RERE: variants seen among roughly 807,000 people sequenced by gnomAD.
RERE encodes the protein arginine-glutamic acid dipeptide repeats.
A neutral mutation model predicts 146.1 loss-of-function variants in RERE; 40 were observed. The ratio of observed to expected loss-of-function variants is 0.27; its 90% CI spans 0.21 to 0.36. The LOEUF (loss-of-function observed/expected upper bound fraction) is 0.36. Ranked by LOEUF, RERE falls within the 10% of genes least tolerant of loss-of-function variation. The pLI, the probability that RERE is intolerant of heterozygous loss-of-function variation, is 1.00. For synonymous variants in RERE, 1,003 were observed against 866.0 expected (o/e 1.16, Z -2.78); for missense variants, 1,933 against 2,138.7 (o/e 0.90, Z 1.90).
At chr1:8,772,581 C>T (rs931420789) in intron 1 of RERE, among the ~76,000 whole-genome samples, 5 of 151,994 alleles carry the variant, frequency 3.3e-5, no homozygotes, top group Non-Finnish European at 7.4e-5. Context: ...TCAAGACTAG[C>T]CTAGCCAACA....
At chr1:8,414,039 G>C (rs1393612696) in intron 12 of RERE, among the ~76,000 whole-genome samples, 1 of 121,998 alleles carries the variant, frequency 8.2e-6, no homozygotes, top group Non-Finnish European at 1.7e-5. Flanking sequence ...TGGGCAACAA[G>C]AGTGAAACTC....
chr1:8,753,136 C>CCT (rs1640572215), intron 1 of RERE, among the ~76,000 whole-genome samples: 2 of 152,148 alleles, frequency 1.3e-5, no homozygotes, highest in Admixed American at 6.6e-5. Flanking sequence ...GTATAATCTT[C>CCT]CTCTCCTGGG....
chr1:8,555,970 T>C (rs1218918835), intron 6 of RERE, among the ~76,000 whole-genome samples: 1 of 152,188 alleles, frequency 6.6e-6, no homozygotes, highest in East Asian at 1.9e-4. Context: ...AAAATCTCTA[T>C]AAATTTTGCC....
At chr1:8,496,975 A>G (rs1214705910) in intron 9 of RERE, among the ~76,000 whole-genome samples, 1 of 152,204 alleles carries the variant, frequency 6.6e-6, no homozygotes, top group East Asian at 1.9e-4. Flanking sequence ...TGCTGCACCT[A>G]TCAACCCGTC....
chr1:8,711,797 T>C (rs919283690), intron 1 of RERE, among the ~76,000 whole-genome samples: 5 of 152,186 alleles, frequency 3.3e-5, no homozygotes, highest in African/African-American at 9.7e-5. Flanking sequence ...ATCCTAAGAA[T>C]TCAAAATATT....
At chr1:8,499,805 G>C (rs1645104475) in intron 8 of RERE, among the ~76,000 whole-genome samples, 1 of 152,196 alleles carries the variant, frequency 6.6e-6, no homozygotes, top group Non-Finnish European at 1.5e-5. Flanking sequence ...TTAACACATA[G>C]TGAAAATAGT....
chr1:8,458,265 T>C (rs1173945576), intron 11 of RERE, among the ~76,000 whole-genome samples: 1 of 152,090 alleles, frequency 6.6e-6, no homozygotes, highest in Non-Finnish European at 1.5e-5. Context: ...CAGAGAAAGA[T>C]GATAGAGAGT....
intron 1 of RERE, among the ~76,000 whole-genome samples, chr1:8,683,031 C>CCAA (rs1553133105): frequency 1.5e-5 from 1 of 65,728 alleles, no homozygotes. Context: ...CTGTCTTTAC[C>CCAA]AAAAAAAAAA....
Position 8,436,557 on chromosome 1 carries a change from A to G in RERE, c.1204-13750T>C, listed in dbSNP as rs556058398. ...AAATGTGGATTGTCTAGAAGTTACA[A>G]GGGAACAAAAAAGTAGAAATCCTCC... On this transcript the variant is annotated intron_variant, in intron 11 of 22. Transcript: ENST00000400908. 2.0e-5 allele frequency among the ~76,000 whole-genome samples: 3 copies of G among 152,324 alleles called. No individual in the cohort carries two copies. In the South Asian group the frequency reaches 6.2e-4, roughly 32 times the overall value.
chr1:8,363,509 T>G (rs536034049), intron 15 of RERE, among the ~76,000 whole-genome samples: 1 of 152,162 alleles, frequency 6.6e-6, no homozygotes, highest in South Asian at 2.1e-4. Context: ...GAAGGGGCCA[T>G]AAGGGAGGCT....
chr1:8,513,182 G>A (rs1219857287), intron 7 of RERE, among the ~76,000 whole-genome samples: 1 of 152,076 alleles, frequency 6.6e-6, no homozygotes, highest in Non-Finnish European at 1.5e-5. Flanking sequence ...AAAAATTACT[G>A]AACATCCCAA....
chr1:8,560,541 T>G (rs1420439149), intron 4 of RERE, among the ~76,000 whole-genome samples: 1 of 152,214 alleles, frequency 6.6e-6, no homozygotes, highest in East Asian at 1.9e-4. Context: ...ATTCCATGAC[T>G]TCCCATGTAT....
intron 11 of RERE, among the ~76,000 whole-genome samples, chr1:8,443,332 C>T (rs1165818432): frequency 6.6e-6 from 1 of 151,586 alleles, no homozygotes; most frequent in African/African-American, 2.4e-5. Flanking sequence ...CATGATGGCA[C>T]ACACCTGTAA....
chr1:8,815,524 AAAAG>A (rs376365776), intron 1 of RERE, among the ~76,000 whole-genome samples: 21 of 152,304 alleles, frequency 1.4e-4, no homozygotes, highest in Non-Finnish European at 2.8e-4. Flanking sequence ...ACATATACAA[AAAAG>A]AAAGAGCAGC....
intron 11 of RERE, among the ~76,000 whole-genome samples, chr1:8,453,856 T>C (rs2124081657): frequency 6.6e-6 from 1 of 152,300 alleles, no homozygotes; most frequent in South Asian, 2.1e-4. Flanking sequence ...TCTTTTAAAA[T>C]TGGATAACCA....
chr1:8,664,055 A>C (rs577042887), intron 1 of RERE, among the ~76,000 whole-genome samples: 9 of 152,254 alleles, frequency 5.9e-5, no homozygotes, highest in Admixed American at 5.9e-4. Context: ...TTGTTAACTT[A>C]CATCACTTCC....
chr1:8,814,457 G>C (rs893085093), intron 1 of RERE, among the ~76,000 whole-genome samples: 1 of 152,038 alleles, frequency 6.6e-6, no homozygotes, highest in Non-Finnish European at 1.5e-5. Context: ...ATTTTCTCTG[G>C]CTTCCAATTT....
chr1:8,769,858 AG>A (rs1174078234), intron 1 of RERE, among the ~76,000 whole-genome samples: 1 of 151,384 alleles, frequency 6.6e-6, no homozygotes. Flanking sequence ...GCACAATCTC[AG>A]CTCACCACAA....
intron 4 of RERE, among the ~76,000 whole-genome samples, chr1:8,601,776 CAAACACACACACAG>C: frequency 6.9e-6 from 1 of 145,810 alleles, no homozygotes; most frequent in South Asian, 2.3e-4. Flanking sequence ...CACACACACA[CAAACACACACACAG>C]ACACACATCT....
Sources: gnomAD v4.1 joint callset for allele counts (sites outside exome capture counted in the v4.1 genomes callset) on GRCh38, gnomAD v4.1.1 for gene constraint, MANE v1.5 for transcripts, NCBI Gene and HGNC (gene_info 2026-07-23, HGNC 2026-07-21) for gene names.